The following RAB22A variants were observed in gnomAD, a reference collection of about 807,000 sequenced individuals.
RAB22A encodes ras-related protein Rab-22A.
A neutral mutation model predicts 30.2 loss-of-function variants in RAB22A; 13 were observed. That is an observed-to-expected ratio of 0.43 (90% CI 0.28 to 0.68). The LOEUF (loss-of-function observed/expected upper bound fraction) is 0.68, where lower values mean the gene tolerates loss of function less well. Ranked by LOEUF, RAB22A falls within the 30% of genes least tolerant of loss-of-function variation. The pLI is 0.18. For synonymous variants in RAB22A, 89 were observed against 87.2 expected, an observed-to-expected ratio of 1.02 and a Z score of -0.11; for missense variants, 177 against 246.8, an observed-to-expected ratio of 0.72 and a Z score of 1.89.
intron 2 of RAB22A, among the ~76,000 whole-genome samples, chr20:58,321,329 A>G (rs1234601866): frequency 2.0e-5 from 3 of 151,994 alleles, no homozygotes; most frequent in African/African-American, 7.3e-5. Context: ...GCACCACTGC[A>G]CTCCTGCCTG....
rs11559287 is a variant in RAB22A, at chr20:58,309,783, C to T, written c.-194C>T. The T allele has an allele frequency of 5.1e-6, 2 of 393,754 alleles. No individual in the cohort carries two copies. The highest frequency in any genetic ancestry group is 2.1e-5 in the African/African-American group (1 of 47,084). The allele number at this position is 393,754 out of a possible 1,614,324, so 24.4% of individuals were successfully genotyped here. On this transcript the variant is annotated 5_prime_UTR_variant, in exon 1 of 7. Coordinates refer to ENST00000244040, the MANE Select transcript of RAB22A (RefSeq NM_020673.3). ...CCGGAAGGCCGCGGCGGCGTCCCGG[C>T]TGCTAAGGCGGGCCCCACGCGGCTG... is the stretch of plus-strand genomic sequence containing the variant.
At chr20:58,356,311 C>CAA (rs199550503) in intron 6 of RAB22A, among the ~76,000 whole-genome samples, 1 of 91,296 alleles carries the variant, frequency 1.1e-5, no homozygotes, top group African/African-American at 4.5e-5. Flanking sequence ...GACTCCATCT[C>CAA]AAAAAAAAAA....
intron 3 of RAB22A, among the ~76,000 whole-genome samples, chr20:58,344,928 C>T (rs1456431807): frequency 6.6e-6 from 1 of 152,126 alleles, no homozygotes; most frequent in Admixed American, 6.5e-5. Context: ...TTCTGCTTAC[C>T]GTCTTCCACT....
chr20:58,362,989 C>T lies in RAB22A; in HGVS notation c.*3286C>T, dbSNP rs1378068708. On this transcript the variant is annotated 3_prime_UTR_variant, in exon 7 of 7. Transcript: ENST00000244040. ...TTAATTTCAGAACTTCTCTTTACGTCTTGTATGTATTTCTTTTCTGTTCTC... is the reference window on the plus strand; with the variant it reads ...TTAATTTCAGAACTTCTCTTTACGTTTTGTATGTATTTCTTTTCTGTTCTC... The T allele has an allele frequency of 6.6e-6, 1 of 152,178 alleles. No homozygotes were observed. The highest frequency in any genetic ancestry group is 1.5e-5 in the Non-Finnish European group (1 of 68,024). The allele number at this position is 152,178 out of a possible 1,614,324, so 9.4% of individuals were successfully genotyped here. A position where few individuals can be genotyped will look rare whatever the true frequency, so the allele number is the denominator to read the frequency against.
At chr20:58,324,052 A>G (rs543529548) in intron 2 of RAB22A, among the ~76,000 whole-genome samples, 1 of 152,286 alleles carries the variant, frequency 6.6e-6, no homozygotes, top group South Asian at 2.1e-4. Context: ...ACTTTTTTAT[A>G]ATGTGCATGT....
Position 58,362,171 on chromosome 20 carries a change from T to C in RAB22A, c.*2468T>C, listed in dbSNP as rs1003595786. ...TTCTCGTGTAATATCCTTCTAATGCTTAGCAACAACAACAAAAAATTGCTC... is the reference window on the plus strand; with the variant it reads ...TTCTCGTGTAATATCCTTCTAATGCCTAGCAACAACAACAAAAAATTGCTC... On this transcript the variant is annotated 3_prime_UTR_variant, in exon 7 of 7. Transcript: ENST00000244040. 1 of 152,192 alleles carries C rather than the reference T, an allele frequency of 6.6e-6. No homozygotes were observed. Among genetic ancestry groups the C allele is most frequent in the African/African-American group, 2.4e-5 (1 of 41,456 alleles). The allele number at this position is 152,192 out of a possible 1,614,324, so 9.4% of individuals were successfully genotyped here. A position where few individuals can be genotyped will look rare whatever the true frequency, so the allele number is the denominator to read the frequency against.
chr20:58,327,650 A>G (rs1047089009), intron 2 of RAB22A, among the ~76,000 whole-genome samples: 3 of 152,232 alleles, frequency 2.0e-5, no homozygotes, highest in Non-Finnish European at 2.9e-5. Flanking sequence ...ACCAATCCCA[A>G]ACTCAAGGGA....
Position 58,360,708 on chromosome 20 carries a change from A to G in RAB22A, c.*1005A>G, listed in dbSNP as rs1269416673. 6.6e-6 allele frequency: 1 copy of G among 152,642 alleles called. No homozygotes were observed. The highest frequency in any genetic ancestry group is 2.4e-5 in the African/African-American group (1 of 41,456). 9.5% of individuals were successfully genotyped at this position (152,642 alleles called of 1,614,324 possible). A position where few individuals can be genotyped will look rare whatever the true frequency, so the allele number is the denominator to read the frequency against. On this transcript the variant is annotated 3_prime_UTR_variant, in exon 7 of 7. Coordinates refer to ENST00000244040, the MANE Select transcript of RAB22A (RefSeq NM_020673.3). ...CACCCAGTCTTGCGTATGCCTGCCC[A>G]GTTTTCAGCCTCTTAACGGGAGACT...
At chr20:58,333,951 G>T (rs533298256) in intron 2 of RAB22A, among the ~76,000 whole-genome samples, 90 of 152,284 alleles carry the variant, frequency 5.9e-4, no homozygotes, top group Middle Eastern at 6.8e-3. Flanking sequence ...CTAGCTACTT[G>T]GGAGACTGAG....
intron 3 of RAB22A, among the ~76,000 whole-genome samples, chr20:58,350,091 A>G (rs1193855880): frequency 2.0e-5 from 3 of 151,828 alleles, no homozygotes; most frequent in African/African-American, 4.9e-5. Flanking sequence ...GCAAAAGCCC[A>G]TCTCTTAAGG....
Position 58,313,786 on chromosome 20 carries a change from G to A in RAB22A, c.116+2664G>A, listed in dbSNP as rs538709429. On this transcript the variant is annotated intron_variant, in intron 2 of 6. Transcript: ENST00000244040. ...TGGGCAAACTGTGGCCTTTTTGCCC[G>A]CCTCCTGCTTTTGTAAATAAAGAGT... Among the ~76,000 whole-genome samples the A allele has an allele frequency of 1.1e-4, 17 of 152,248 alleles. No individual in the cohort carries two copies. In the East Asian group the frequency reaches 2.1e-3, roughly 19 times the overall value.
intron 6 of RAB22A, 27 bp from the exon 7 acceptor site, chr20:58,359,579 C>A: frequency 6.5e-7 from 1 of 1,541,948 alleles, no homozygotes; most frequent in South Asian, 1.1e-5. Flanking sequence ...AAAGCTCACT[C>A]CCTTCCCTTT....
At chr20:58,318,898 T>A (rs1230115019) in intron 2 of RAB22A, among the ~76,000 whole-genome samples, 1 of 152,218 alleles carries the variant, frequency 6.6e-6, no homozygotes, top group Admixed American at 6.5e-5. Context: ...CATTTGCACA[T>A]TTGGGAATCC....
intron 2 of RAB22A, 89 bp from the exon 3 acceptor site, chr20:58,343,629 C>T (rs1373433379): frequency 1.3e-5 from 12 of 956,222 alleles, no homozygotes; most frequent in Non-Finnish European, 1.5e-5. Flanking sequence ...GGAGACTGAG[C>T]GTTGGTTGAG....
In RAB22A at chr20:58,366,988, C is replaced by T. The variant is rs1380526185; in HGVS notation, c.*7285C>T. ...CTAAGAATGTCATGCCTTCTCAAGACCTGATGAAAGGAATAAGATATTTGT... is the reference window on the plus strand; with the variant it reads ...CTAAGAATGTCATGCCTTCTCAAGATCTGATGAAAGGAATAAGATATTTGT... On this transcript the variant is annotated 3_prime_UTR_variant, in exon 7 of 7. Coordinates refer to ENST00000244040, the MANE Select transcript of RAB22A (RefSeq NM_020673.3). 1 of 152,360 alleles carries T rather than the reference C, an allele frequency of 6.6e-6. No homozygotes were observed. Among genetic ancestry groups the T allele is most frequent in the Non-Finnish European group, 1.5e-5 (1 of 67,978 alleles). 9.4% of individuals were successfully genotyped at this position (152,360 alleles called of 1,614,324 possible).
intron 2 of RAB22A, among the ~76,000 whole-genome samples, chr20:58,324,305 G>T (rs1243783694): frequency 8.1e-5 from 12 of 148,312 alleles, no homozygotes; most frequent in South Asian, 4.2e-4. Context: ...ATACATTGGG[G>T]TTTTTTTTTT....
intron 3 of RAB22A, among the ~76,000 whole-genome samples, chr20:58,345,226 A>G (rs909754015): frequency 1.3e-5 from 2 of 152,182 alleles, no homozygotes; most frequent in African/African-American, 4.8e-5. Flanking sequence ...GCTGTAATAT[A>G]GATTCCATTA....
At chr20:58,320,828 G>A (rs978082373) in intron 2 of RAB22A, among the ~76,000 whole-genome samples, 8 of 152,168 alleles carry the variant, frequency 5.3e-5, no homozygotes, top group African/African-American at 1.9e-4. Context: ...GGCCAAAGCG[G>A]GTGGATCACT....
chr20:58,354,039 C>T (rs1987095317), intron 5 of RAB22A, 117 bp from the exon 6 acceptor site: 1 of 643,378 alleles, frequency 1.6e-6, no homozygotes, highest in Non-Finnish European at 2.7e-6. Flanking sequence ...CAGGGCCCAT[C>T]CAGCAGCCAT....
Sources: gnomAD v4.1 joint callset for allele counts (sites outside exome capture counted in the v4.1 genomes callset) on GRCh38, gnomAD v4.1.1 for gene constraint, MANE v1.5 for transcripts, NCBI Gene and HGNC (gene_info 2026-07-23, HGNC 2026-07-21) for gene names.